MAGI2: variants seen among roughly 807,000 people sequenced by gnomAD.
MAGI2 encodes membrane-associated guanylate kinase, WW and PDZ domain-containing protein 2.
Under a neutral mutation model 133.3 loss-of-function variants are expected in MAGI2, and 35 were observed. The ratio of observed to expected loss-of-function variants is 0.26; its 90% CI spans 0.20 to 0.35. The LOEUF is 0.35. Ranked by LOEUF, MAGI2 falls within the 10% of genes least tolerant of loss-of-function variation. The pLI, the probability that MAGI2 is intolerant of heterozygous loss-of-function variation, is 1.00. For synonymous variants in MAGI2, 729 were observed against 710.6 expected (o/e 1.03, Z -0.41); for missense variants, 1,636 against 1,863.4 (o/e 0.88, Z 2.25).
intron 10 of MAGI2, among the ~76,000 whole-genome samples, chr7:78,246,916 G>A (rs1304113493): frequency 1.3e-5 from 2 of 152,170 alleles, no homozygotes; most frequent in African/African-American, 4.8e-5. Flanking sequence ...GCTCCTGGAG[G>A]TTGCCTCAGA....
chr7:79,163,546 C>T (rs545665981), intron 1 of MAGI2, among the ~76,000 whole-genome samples: 17 of 152,108 alleles, frequency 1.1e-4, no homozygotes, highest in African/African-American at 3.9e-4. Flanking sequence ...GGATGTCATA[C>T]CTATGGAGAT....
At chr7:78,469,564 A>G (rs1790979821) in intron 6 of MAGI2, among the ~76,000 whole-genome samples, 1 of 152,210 alleles carries the variant, frequency 6.6e-6, no homozygotes, top group African/African-American at 2.4e-5. Context: ...GGTAAAAAAA[A>G]AGACTGGTTA....
At chr7:78,362,171 G>A (rs946150094) in intron 7 of MAGI2, among the ~76,000 whole-genome samples, 7 of 151,972 alleles carry the variant, frequency 4.6e-5, no homozygotes, top group Non-Finnish European at 7.4e-5. Context: ...GTGTGGTAGC[G>A]CACACCTGTA....
At chr7:78,894,149 C>T (rs887936432) in intron 2 of MAGI2, among the ~76,000 whole-genome samples, 2 of 152,188 alleles carry the variant, frequency 1.3e-5, no homozygotes, top group African/African-American at 4.8e-5. Flanking sequence ...TGCCTGTAAT[C>T]CCAGCACTTT....
intron 6 of MAGI2, among the ~76,000 whole-genome samples, chr7:78,470,044 GA>G (rs1791036735): frequency 6.6e-6 from 1 of 152,076 alleles, no homozygotes; most frequent in African/African-American, 2.4e-5. Context: ...GCCTGCTGTG[GA>G]AATCAGCCCC....
intron 2 of MAGI2, among the ~76,000 whole-genome samples, chr7:78,750,670 T>A (rs1823372336): frequency 1.3e-5 from 2 of 152,166 alleles, no homozygotes; most frequent in Non-Finnish European, 2.9e-5. Flanking sequence ...GCAGCAGTGT[T>A]TCCTCTGGAG....
chr7:79,319,112 G>C (rs567958472), intron 1 of MAGI2, among the ~76,000 whole-genome samples: 24 of 152,150 alleles, frequency 1.6e-4, no homozygotes, highest in African/African-American at 5.8e-4. Context: ...GCTAGTTTTA[G>C]AATATTTATT....
chr7:78,169,276 C>G (rs773899666), intron 14 of MAGI2, among the ~76,000 whole-genome samples: 8 of 152,188 alleles, frequency 5.3e-5, no homozygotes, highest in Non-Finnish European at 1.2e-4. Flanking sequence ...AATAGGTCCC[C>G]CTTTTCTTTT....
chr7:79,400,978 T>C (rs143991956), intron 1 of MAGI2, among the ~76,000 whole-genome samples: 11 of 152,272 alleles, frequency 7.2e-5, no homozygotes, highest in African/African-American at 2.6e-4. Flanking sequence ...ACAGGATTAG[T>C]TATGGGTATA....
rs775086725 is a variant in MAGI2 at position 78,167,971 on chromosome 7, G to A, written c.2541C>T (p.His847=). The change falls in exon 15 of 22, where the codon CAC becomes CAT. Residue 847 remains histidine, a synonymous_variant. Coordinates refer to ENST00000354212, the MANE Select transcript of MAGI2 (RefSeq NM_012301.4). The part of the protein sequence containing the change: ...THRYVIDLMH[H]AARNGQVNLT... ...GGTTGACCTGCCCATTGCGGGCTGCGTGGTGCATGAGGTCGATGACATAGC... is the reference window on the plus strand; with the variant it reads ...GGTTGACCTGCCCATTGCGGGCTGCATGGTGCATGAGGTCGATGACATAGC... 32 of 1,613,986 alleles carry A rather than the reference G, an allele frequency of 2.0e-5. No homozygotes were observed. The highest frequency in any genetic ancestry group is 5.0e-5 in the Admixed American group (3 of 59,994).
intron 10 of MAGI2, among the ~76,000 whole-genome samples, chr7:78,246,660 C>G (rs777749938): frequency 6.6e-6 from 1 of 152,208 alleles, no homozygotes; most frequent in Non-Finnish European, 1.5e-5. Context: ...GCTGCTGCAC[C>G]TGACCAAGTC....
intron 2 of MAGI2, among the ~76,000 whole-genome samples, chr7:78,750,937 T>A (rs1327572704): frequency 6.6e-6 from 1 of 152,172 alleles, no homozygotes; most frequent in Non-Finnish European, 1.5e-5. Flanking sequence ...TCTATATGAA[T>A]AATGATGTAT....
chr7:78,205,439 C>A (rs1022609840), intron 10 of MAGI2, among the ~76,000 whole-genome samples: 5 of 152,174 alleles, frequency 3.3e-5, no homozygotes, highest in Non-Finnish European at 5.9e-5. Flanking sequence ...GCCCAAAATA[C>A]AACTTTTAAT....
intron 1 of MAGI2, among the ~76,000 whole-genome samples, chr7:79,437,412 GATGGTTTTTGATACAT>G (rs1848221653): frequency 6.6e-6 from 1 of 151,902 alleles, no homozygotes; most frequent in Non-Finnish European, 1.5e-5. Context: ...AGGTGTACAG[GATGGTTTTTGATACAT>G]ATATACACAC....
At chr7:78,442,997 G>A (rs1787774982) in intron 6 of MAGI2, among the ~76,000 whole-genome samples, 2 of 152,124 alleles carry the variant, frequency 1.3e-5, no homozygotes, top group African/African-American at 4.8e-5. Flanking sequence ...GAGATACCAA[G>A]TGGCCTGTCA....
At chr7:78,548,258 A>G (rs926656639) in intron 3 of MAGI2, among the ~76,000 whole-genome samples, 1 of 152,246 alleles carries the variant, frequency 6.6e-6, no homozygotes, top group African/African-American at 2.4e-5. Context: ...ATAGCTCTTC[A>G]TTATGAGAAA....
intron 1 of MAGI2, among the ~76,000 whole-genome samples, chr7:79,013,387 A>G (rs1808377172): frequency 6.6e-6 from 1 of 152,208 alleles, no homozygotes; most frequent in Admixed American, 6.5e-5. Context: ...TCTGTGAGGA[A>G]TTAGAAGAGA....
intron 20 of MAGI2, among the ~76,000 whole-genome samples, chr7:78,109,835 G>C (rs867716584): frequency 3.3e-5 from 5 of 152,274 alleles, no homozygotes; most frequent in Non-Finnish European, 5.9e-5. Context: ...GTTCAGGATA[G>C]CAAAGACAAG....
At chr7:78,506,534 T>C (rs1795102365) in intron 4 of MAGI2, among the ~76,000 whole-genome samples, 1 of 152,006 alleles carries the variant, frequency 6.6e-6, no homozygotes, top group African/African-American at 2.4e-5. Context: ...ACTGAAACAA[T>C]GGACTGGTAA....
Sources: gnomAD v4.1 joint callset for allele counts (sites outside exome capture counted in the v4.1 genomes callset) on GRCh38, gnomAD v4.1.1 for gene constraint, MANE v1.5 for transcripts, NCBI Gene and HGNC (gene_info 2026-07-23, HGNC 2026-07-21) for gene names.